The following ARPP21 variants were observed in gnomAD, a reference collection of about 807,000 sequenced individuals.
The protein encoded by ARPP21 is cAMP regulated phosphoprotein 21.
A neutral mutation model predicts 113.2 loss-of-function variants in ARPP21; 69 were observed. The ratio of observed to expected loss-of-function variants is 0.61; its 90% confidence interval spans 0.50 to 0.74. The LOEUF (loss-of-function observed/expected upper bound fraction) is 0.74. Among genes scored for constraint, ARPP21 ranks in the 30% least tolerant of loss-of-function variants. The probability of loss-of-function intolerance (pLI) is 0.00; values close to 1 mark genes in which losing one functional copy is unlikely to be tolerated. For missense variants in ARPP21, 1,070 were observed against 1,037.4 expected (o/e 1.03, Z -0.43); for synonymous variants, 368 against 375.5 (o/e 0.98, Z 0.23).
chr3:35,690,842 C>T (rs1198280045), intron 8 of ARPP21, 23 bp from the exon 9 acceptor site: 1 of 1,578,918 alleles, frequency 6.3e-7, no homozygotes, highest in Non-Finnish European at 8.6e-7. Flanking sequence ...GCTGATTCCA[C>T]TTTTTCTTGA....
chr3:35,671,870 A>G (rs1464368530), intron 1 of ARPP21, among the ~76,000 whole-genome samples: 1 of 152,008 alleles, frequency 6.6e-6, no homozygotes, highest in Non-Finnish European at 1.5e-5. Flanking sequence ...AAATCATGCA[A>G]TTAATGATGC....
chr3:35,754,003 C>A (rs1463603736), intron 19 of ARPP21, among the ~76,000 whole-genome samples: 3 of 110,334 alleles, frequency 2.7e-5, no homozygotes, highest in Admixed American at 9.3e-5. Context: ...TTTTCTCATT[C>A]TTTGTGCTTC....
Position 35,721,973 on chromosome 3 carries a change from C to T in ARPP21, c.1225+139C>T, listed in dbSNP as rs895024934. ...AGGGATAGCTGGAAATCAGAAGGTA[C>T]AATTTAAATAGGTTACTGACTCTTT... On this transcript the variant is annotated intron_variant, in intron 14 of 20. Coordinates refer to ENST00000684406, the MANE Select transcript of ARPP21 (RefSeq NM_001385562.1). 29 of 622,846 alleles carry T rather than the reference C, an allele frequency of 4.7e-5. No individual in the cohort carries two copies. In the South Asian group the frequency reaches 5.8e-4, roughly 13 times the overall value. The allele number at this position is 622,846 out of a possible 1,614,324, so 38.6% of individuals were successfully genotyped here.
intron 1 of ARPP21, among the ~76,000 whole-genome samples, chr3:35,660,683 A>G (rs781495737): frequency 6.6e-6 from 1 of 152,196 alleles, no homozygotes; most frequent in Non-Finnish European, 1.5e-5. Context: ...GGGGATAATT[A>G]TCAGATTCTT....
intron 19 of ARPP21, among the ~76,000 whole-genome samples, chr3:35,748,624 G>C (rs1175349700): frequency 1.3e-5 from 2 of 152,170 alleles, no homozygotes; most frequent in Non-Finnish European, 1.5e-5. Flanking sequence ...ATCTTAACTG[G>C]AAACAGAGTT....
chr3:35,743,359 A>G (rs576021662), intron 18 of ARPP21, among the ~76,000 whole-genome samples: 2 of 152,318 alleles, frequency 1.3e-5, no homozygotes, highest in African/African-American at 4.8e-5. Flanking sequence ...TCAGCAATTG[A>G]GCAGGATTTA....
At position 35,683,715 on chromosome 3, in the gene ARPP21, C is replaced by T. The variant is rs1308077978; in HGVS notation, c.172-11C>T. 6.0e-6 allele frequency: 6 copies of T among 995,456 alleles called. No individual in the cohort carries two copies. Among genetic ancestry groups the T allele is most frequent in the Non-Finnish European group, 9.7e-6 (6 of 620,540 alleles). 61.7% of individuals were successfully genotyped at this position (995,456 alleles called of 1,614,324 possible). ...TTTTCCTTTCCTTCCCTTTTCTTTCCCCCCTCCTAGTCAGGAGCAGGAAAA... is the reference window on the plus strand; with the variant it reads ...TTTTCCTTTCCTTCCCTTTTCTTTCTCCCCTCCTAGTCAGGAGCAGGAAAA... On this transcript the variant is annotated splice_polypyrimidine_tract_variant and intron_variant, in intron 4 of 20. Coordinates refer to ENST00000684406, the MANE Select transcript of ARPP21 (RefSeq NM_001385562.1).
intron 1 of ARPP21, among the ~76,000 whole-genome samples, chr3:35,664,432 ACT>A (rs1709236624): frequency 6.6e-6 from 1 of 151,868 alleles, no homozygotes. Flanking sequence ...TGTTGACCAG[ACT>A]CTCTCCATCA....
intron 19 of ARPP21, among the ~76,000 whole-genome samples, chr3:35,753,802 T>G (rs537264856): frequency 6.6e-6 from 1 of 152,066 alleles, no homozygotes; most frequent in East Asian, 1.9e-4. Flanking sequence ...GAAATAAGGT[T>G]ATTGCCTCTT....
At position 35,640,084 on chromosome 3, in the gene ARPP21, G is replaced by A. The variant is rs962061004; in HGVS notation, c.-527G>A. On this transcript the variant is annotated 5_prime_UTR_variant, in exon 1 of 21. Coordinates refer to ENST00000684406, the MANE Select transcript of ARPP21 (RefSeq NM_001385562.1). ...ACCTTCTGAGCGCGTCCGGAGCAGA[G>A]ACCAGCAGCAGCAGGGGCAGCGGGG... The A allele has an allele frequency of 6.6e-6, 1 of 152,370 alleles. No individual in the cohort carries two copies. Among genetic ancestry groups the A allele is most frequent in the Non-Finnish European group, 1.5e-5 (1 of 68,186 alleles). The allele number at this position is 152,370 out of a possible 1,614,324, so 9.4% of individuals were successfully genotyped here.
chr3:35,793,246 G>T (rs575132096), intron 20 of ARPP21, among the ~76,000 whole-genome samples: 1 of 152,196 alleles, frequency 6.6e-6, no homozygotes, highest in Admixed American at 6.5e-5. Flanking sequence ...AATATAGTAG[G>T]TGCCCAGGAC....
intron 1 of ARPP21, among the ~76,000 whole-genome samples, chr3:35,668,913 T>G (rs1165835500): frequency 3.9e-5 from 6 of 152,152 alleles, no homozygotes; most frequent in Admixed American, 3.9e-4. Flanking sequence ...CTTTATCAAA[T>G]ACGGGGAAAT....
intron 15 of ARPP21, among the ~76,000 whole-genome samples, chr3:35,736,052 G>C (rs1052670363): frequency 6.6e-6 from 1 of 152,024 alleles, no homozygotes; most frequent in African/African-American, 2.4e-5. Flanking sequence ...TCAGTTATTT[G>C]GCATAATGGA....
In ARPP21 at chr3:35,734,285, C is replaced by G. The variant is rs1055310890; in HGVS notation, c.1460-2893C>G. Among the ~76,000 whole-genome samples, 16 of 152,258 alleles carry G rather than the reference C, an allele frequency of 1.1e-4. No homozygotes were observed. In the East Asian group the frequency reaches 3.1e-3, roughly 29 times the overall value. On this transcript the variant is annotated intron_variant, in intron 15 of 20. Transcript: ENST00000684406. ...GATTAGAACACTAAATGGACTTACA[C>G]ATTTTTTAATATTGAGCTTTTAAAA...
intron 1 of ARPP21, among the ~76,000 whole-genome samples, chr3:35,664,257 A>C (rs1021266844): frequency 1.3e-5 from 2 of 152,220 alleles, no homozygotes; most frequent in Admixed American, 6.5e-5. Flanking sequence ...CAGAGTAATT[A>C]GCATATCCAT....
intron 18 of ARPP21, 124 bp from the exon 19 acceptor site, chr3:35,743,715 G>A (rs1391121382): frequency 2.1e-6 from 2 of 954,088 alleles, no homozygotes; most frequent in Non-Finnish European, 3.3e-6. Flanking sequence ...CATAGGCATG[G>A]GAGAAGTTTG....
At chr3:35,696,334 G>T (rs1449510618) in intron 9 of ARPP21, among the ~76,000 whole-genome samples, 2 of 151,610 alleles carry the variant, frequency 1.3e-5, no homozygotes, top group Admixed American at 6.6e-5. Context: ...TGCCTTTAGA[G>T]AATTAGTAAA....
At chr3:35,648,991 G>A (rs545627685) in intron 1 of ARPP21, among the ~76,000 whole-genome samples, 14 of 152,196 alleles carry the variant, frequency 9.2e-5, no homozygotes, top group African/African-American at 3.4e-4. Flanking sequence ...TGCTAGAGTC[G>A]ACATGCTTAC....
At chr3:35,683,493 A>T (rs1389828730) in intron 4 of ARPP21, among the ~76,000 whole-genome samples, 1 of 149,534 alleles carries the variant, frequency 6.7e-6, no homozygotes, top group Non-Finnish European at 1.5e-5. Flanking sequence ...ATTTACTAAA[A>T]GTATTTTTTT....
Sources: allele counts gnomAD v4.1 joint callset (sites outside exome capture counted in the v4.1 genomes callset), GRCh38; gene constraint gnomAD v4.1.1; transcripts MANE v1.5; gene names NCBI Gene and HGNC (gene_info 2026-07-23, HGNC 2026-07-21).